Variants in TAFA2 observed in about 807,000 individuals in gnomAD.
TAFA2 encodes chemokine-like protein TAFA-2.
A neutral mutation model predicts 18.8 loss-of-function variants in TAFA2; 7 were observed. The observed-to-expected ratio is 0.37, with a 90% CI of 0.21 to 0.70. TAFA2 has a LOEUF of 0.70. TAFA2 is among the 30% of genes least tolerant of loss of function. The probability of loss-of-function intolerance (pLI) is 0.53; values close to 1 mark genes in which losing one functional copy is unlikely to be tolerated. For missense variants in TAFA2, 122 were observed against 158.1 expected (o/e 0.77, Z 1.23); for synonymous variants, 60 against 54.2 (o/e 1.11, Z -0.47).
rs139638202 is a variant in TAFA2 at position 62,180,486 on chromosome 12, A to C, written c.-2+10773T>G. Among the ~76,000 whole-genome samples, 1,426 of 152,312 alleles carry C rather than the reference A, an allele frequency of 9.4e-3. 14 individuals carry two copies. Among genetic ancestry groups the C allele is most frequent in the Non-Finnish European group, 0.017 (1,132 of 68,028 alleles). ...AGCAATGCTAATATATACAGTTATA[A>C]TCTTTTAAAATACATGCAAAGAAAA... On this transcript the variant is annotated intron_variant, in intron 1 of 4. Coordinates refer to ENST00000416284, the MANE Select transcript of TAFA2 (RefSeq NM_178539.5).
chr12:62,153,113 A>G (rs1459239000), intron 1 of TAFA2, among the ~76,000 whole-genome samples: 2 of 152,216 alleles, frequency 1.3e-5, no homozygotes, highest in African/African-American at 2.4e-5. Context: ...TTGCAAGTTG[A>G]AAGCAGAAGG....
intron 1 of TAFA2, among the ~76,000 whole-genome samples, chr12:61,986,113 A>G (rs1879804307): frequency 6.7e-6 from 1 of 149,578 alleles, no homozygotes. Flanking sequence ...GTATTTGCTA[A>G]GTAGAAAGAG....
At chr12:61,980,485 G>T (rs1437870764) in intron 1 of TAFA2, among the ~76,000 whole-genome samples, 2 of 151,980 alleles carry the variant, frequency 1.3e-5, no homozygotes, top group African/African-American at 4.8e-5. Context: ...AAGAAATAAA[G>T]GTATTCAATT....
rs1208893313 is a variant in TAFA2 at position 61,709,880 on chromosome 12, G to A, written c.*526C>T. On this transcript the variant is annotated 3_prime_UTR_variant, in exon 5 of 5. Coordinates refer to ENST00000416284, the MANE Select transcript of TAFA2 (RefSeq NM_178539.5). ...AGATGTTAAAACATGTAGGCTTTCT[G>A]AGCTCCAAGATTAGGATATAAATAA... is the stretch of plus-strand genomic sequence containing the variant. The A allele has an allele frequency of 6.6e-6, 1 of 152,386 alleles. No homozygotes were observed. The highest frequency in any genetic ancestry group is 2.4e-5 in the African/African-American group (1 of 41,412). 9.4% of individuals were successfully genotyped at this position (152,386 alleles called of 1,614,324 possible).
intron 4 of TAFA2, among the ~76,000 whole-genome samples, chr12:61,748,909 TCTTAA>T (rs1868866694): frequency 6.6e-6 from 1 of 152,030 alleles, no homozygotes; most frequent in South Asian, 2.1e-4. Context: ...ACAATATTAC[TCTTAA>T]CTTATATTTA....
chr12:61,725,815 G>A (rs1050406482), intron 4 of TAFA2, among the ~76,000 whole-genome samples: 1 of 151,986 alleles, frequency 6.6e-6, no homozygotes, highest in South Asian at 2.1e-4. Flanking sequence ...AAGTAACTCA[G>A]GAATGGAAAA....
At chr12:62,165,111 G>A (rs75621227) in intron 1 of TAFA2, among the ~76,000 whole-genome samples, 73 of 152,150 alleles carry the variant, frequency 4.8e-4, no homozygotes, top group African/African-American at 1.6e-3. Flanking sequence ...TACAGAGGGC[G>A]AGACTTCACA....
chr12:61,938,360 T>G (rs2121412873), intron 1 of TAFA2, among the ~76,000 whole-genome samples: 1 of 152,176 alleles, frequency 6.6e-6, no homozygotes, highest in Middle Eastern at 3.4e-3. Flanking sequence ...TAGGGTACAT[T>G]TGCAGATTTG....
At chr12:61,911,367 C>T (rs1671395698) in intron 1 of TAFA2, among the ~76,000 whole-genome samples, 1 of 152,094 alleles carries the variant, frequency 6.6e-6, no homozygotes, top group Non-Finnish European at 1.5e-5. Flanking sequence ...GTCAACAAAC[C>T]TGTCATTTAT....
chr12:61,948,006 G>T (rs349874), intron 1 of TAFA2, among the ~76,000 whole-genome samples: 47,236 of 152,026 alleles, frequency 0.31, 9,568 homozygotes, highest in African/African-American at 0.58. Context: ...AGAAGCCACA[G>T]AATCTGGAAG....
intron 1 of TAFA2, among the ~76,000 whole-genome samples, chr12:61,994,455 T>G (rs897192234): frequency 2.0e-5 from 3 of 152,196 alleles, no homozygotes; most frequent in Non-Finnish European, 4.4e-5. Context: ...TGAGTAATTC[T>G]CATTAACATT....
chr12:62,080,264 A>G (rs1199573020), intron 1 of TAFA2, among the ~76,000 whole-genome samples: 1 of 152,212 alleles, frequency 6.6e-6, no homozygotes, highest in Non-Finnish European at 1.5e-5. Flanking sequence ...TTCTCCAGGA[A>G]ATGCCCAGTC....
intron 1 of TAFA2, among the ~76,000 whole-genome samples, chr12:62,124,145 G>A (rs1870346829): frequency 6.6e-6 from 1 of 151,942 alleles, no homozygotes; most frequent in Non-Finnish European, 1.5e-5. Flanking sequence ...ATTCATCAGA[G>A]AATCGCAAAG....
intron 1 of TAFA2, among the ~76,000 whole-genome samples, chr12:62,130,223 C>T (rs994349459): frequency 2.0e-5 from 3 of 151,912 alleles, no homozygotes; most frequent in Non-Finnish European, 4.4e-5. Context: ...CACATAATGT[C>T]CCCCTTAGCA....
chr12:61,940,195 T>C (rs1422474640), intron 1 of TAFA2, among the ~76,000 whole-genome samples: 1 of 152,190 alleles, frequency 6.6e-6, no homozygotes, highest in Non-Finnish European at 1.5e-5. Flanking sequence ...GCCAGCTTCA[T>C]AGACATGTAA....
At chr12:62,003,040 C>A (rs1442502788) in intron 1 of TAFA2, among the ~76,000 whole-genome samples, 2 of 152,118 alleles carry the variant, frequency 1.3e-5, no homozygotes, top group African/African-American at 4.8e-5. Context: ...CCCTTGCATA[C>A]ATCCTTTACT....
chr12:62,087,027 G>C (rs928056429), intron 1 of TAFA2, among the ~76,000 whole-genome samples: 1 of 152,130 alleles, frequency 6.6e-6, no homozygotes, highest in Non-Finnish European at 1.5e-5. Flanking sequence ...AGTGAAATAA[G>C]CCAGTTACAA....
At chr12:61,727,448 G>A (rs543169834) in intron 4 of TAFA2, among the ~76,000 whole-genome samples, 17 of 151,714 alleles carry the variant, frequency 1.1e-4, no homozygotes, top group African/African-American at 3.9e-4. Flanking sequence ...TAATCTAGGA[G>A]GGTTGTATAT....
intron 2 of TAFA2, among the ~76,000 whole-genome samples, chr12:61,759,705 A>G (rs958561193): frequency 1.3e-5 from 2 of 152,078 alleles, no homozygotes; most frequent in Middle Eastern, 3.2e-3. Flanking sequence ...TAGTCGGAGA[A>G]TAAGTCAGGG....
Sources: allele counts gnomAD v4.1 joint callset (sites outside exome capture counted in the v4.1 genomes callset), GRCh38; gene constraint gnomAD v4.1.1; transcripts MANE v1.5; gene names NCBI Gene and HGNC (gene_info 2026-07-23, HGNC 2026-07-21).